Variants in MPP7 observed in about 807,000 individuals in gnomAD.
The protein encoded by MPP7 is MAGUK p55 subfamily member 7.
In MPP7, 60 loss-of-function variants were observed where a neutral mutation model predicts 76.5. The ratio of observed to expected loss-of-function variants is 0.78; its 90% confidence interval spans 0.64 to 0.97. MPP7 has a LOEUF of 0.97. Ranked by LOEUF, MPP7 falls within the 50% of genes least tolerant of loss-of-function variation. The pLI, the probability that MPP7 is intolerant of heterozygous loss-of-function variation, is 0.00. For synonymous variants in MPP7, 237 were observed against 244.5 expected (o/e 0.97, Z 0.29); for missense variants, 641 against 694.0 (o/e 0.92, Z 0.86).
chr10:28,119,365 T>G (rs536520875), intron 11 of MPP7, among the ~76,000 whole-genome samples: 2 of 152,272 alleles, frequency 1.3e-5, no homozygotes, highest in African/African-American at 4.8e-5. Context: ...TAGGTGACAT[T>G]TAATAAAATA....
chr10:28,095,531 C>T (rs1420177760), intron 11 of MPP7, among the ~76,000 whole-genome samples: 1 of 152,294 alleles, frequency 6.6e-6, no homozygotes, highest in African/African-American at 2.4e-5. Context: ...TGTGTCAGTA[C>T]ACCTTAGTTA....
chr10:28,118,752 C>T (rs1418199855), intron 11 of MPP7: 3 of 985,218 alleles, frequency 3.0e-6, no homozygotes, highest in Non-Finnish European at 3.6e-6. Flanking sequence ...GATTTATACT[C>T]GACTACAGTT....
chr10:28,206,666 C>T (rs10740785), intron 2 of MPP7, among the ~76,000 whole-genome samples: 26,659 of 151,970 alleles, frequency 0.18, 2,975 homozygotes, highest in East Asian at 0.56. Flanking sequence ...AGTTAAAATA[C>T]ATCATTTTCA....
intron 12 of MPP7, 125 bp downstream of exon 12, chr10:28,089,546 A>G: frequency 1.2e-6 from 1 of 815,596 alleles, no homozygotes; most frequent in Non-Finnish European, 1.9e-6. Flanking sequence ...TTTCAGAGAC[A>G]AGACAAAAGG....
At chr10:28,197,804 C>T (rs776439811) in intron 3 of MPP7, among the ~76,000 whole-genome samples, 1 of 152,100 alleles carries the variant, frequency 6.6e-6, no homozygotes, top group Non-Finnish European at 1.5e-5. Context: ...TAAATAGATG[C>T]TTGAGGTGAT....
At chr10:28,132,433 T>A (rs995055999) in intron 5 of MPP7, among the ~76,000 whole-genome samples, 3 of 152,164 alleles carry the variant, frequency 2.0e-5, no homozygotes, top group East Asian at 1.9e-4. Flanking sequence ...TTCTATTTTT[T>A]AAAAACTTTT....
At chr10:28,315,227 G>A (rs1209843182) in intron 2 of MPP7, among the ~76,000 whole-genome samples, 1 of 146,802 alleles carries the variant, frequency 6.8e-6, no homozygotes, top group Non-Finnish European at 1.5e-5. Context: ...AAGGAAGGGA[G>A]GGAGGGAGGA....
chr10:28,290,438 A>G (rs947349140), intron 1 of MPP7, among the ~76,000 whole-genome samples: 9 of 151,778 alleles, frequency 5.9e-5, no homozygotes, highest in Admixed American at 2.0e-4. Context: ...CCACCTCCCC[A>G]TCCCAGCTTA....
chr10:28,278,137 A>C (rs1840559446), intron 1 of MPP7, among the ~76,000 whole-genome samples: 1 of 152,060 alleles, frequency 6.6e-6, no homozygotes, highest in Non-Finnish European at 1.5e-5. Flanking sequence ...CACTGTTACC[A>C]AAAAAAGAAA....
chr10:28,216,329 T>A (rs1365615750), intron 2 of MPP7, among the ~76,000 whole-genome samples: 3 of 152,106 alleles, frequency 2.0e-5, no homozygotes, highest in Admixed American at 2.0e-4. Flanking sequence ...AAATTAAAAT[T>A]TAAAAACAAC....
At chr10:28,314,814 A>C (rs1248043789) in intron 2 of MPP7, among the ~76,000 whole-genome samples, 1 of 152,214 alleles carries the variant, frequency 6.6e-6, no homozygotes, top group African/African-American at 2.4e-5. Flanking sequence ...TTTCAAAATC[A>C]GGAGATTTCT....
At chr10:28,090,947 G>C (rs1267469016) in intron 11 of MPP7, among the ~76,000 whole-genome samples, 3 of 152,110 alleles carry the variant, frequency 2.0e-5, no homozygotes, top group African/African-American at 4.8e-5. Context: ...AGGAGTTTAA[G>C]ACCAGGTGGG....
intron 7 of MPP7, 75 bp downstream of exon 7, chr10:28,124,935 T>A: frequency 1.7e-6 from 2 of 1,206,438 alleles, no homozygotes; most frequent in East Asian, 4.7e-5. Context: ...ATGGTTATCC[T>A]CTTAGTTATC....
At chr10:28,320,832 G>GTTT (rs5784052) in intron 2 of MPP7, among the ~76,000 whole-genome samples, 1,626 of 148,684 alleles carry the variant, frequency 0.011, 23 homozygotes, top group African/African-American at 0.037. Context: ...TTTTTTGTTT[G>GTTT]TTTTTTTTTT....
intron 1 of MPP7, among the ~76,000 whole-genome samples, chr10:28,258,901 T>C (rs1436396727): frequency 6.6e-6 from 1 of 152,084 alleles, no homozygotes; most frequent in Non-Finnish European, 1.5e-5. Flanking sequence ...GAAATCCCTA[T>C]TTCTGTGAAA....
chr10:28,145,693 A>G (rs1835680556), intron 5 of MPP7, among the ~76,000 whole-genome samples: 1 of 152,234 alleles, frequency 6.6e-6, no homozygotes, highest in Non-Finnish European at 1.5e-5. Flanking sequence ...AACATCATGT[A>G]TCCTGGAATA....
At position 28,192,820 on chromosome 10, in the gene MPP7, A is replaced by T. The variant is rs374386812; in HGVS notation, c.156+9333T>A. On this transcript the variant is annotated intron_variant, in intron 3 of 16. Transcript: ENST00000683449. ...AAAGATTCAGAATAGTCAACACAGT[A>T]TCAAAGAAGAACAAAGTCTGAGGGC... Among the ~76,000 whole-genome samples the T allele has an allele frequency of 5.9e-5, 9 of 152,242 alleles. No homozygotes were observed. In the East Asian group the frequency reaches 7.7e-4, roughly 13 times the overall value.
intron 2 of MPP7, among the ~76,000 whole-genome samples, chr10:28,212,122 A>T (rs530228062): frequency 2.6e-5 from 4 of 152,266 alleles, no homozygotes; most frequent in East Asian, 1.9e-4. Flanking sequence ...CGTAAAAAAA[A>T]AAAAATAAAT....
chr10:28,214,367 G>C lies in MPP7; in HGVS notation c.38-12096C>G, dbSNP rs929172498. Among the ~76,000 whole-genome samples, 8 of 152,160 alleles carry C rather than the reference G, an allele frequency of 5.3e-5. 1 individual carries two copies. The South Asian group carries it at 1.7e-3, about 32-fold the overall frequency. ...TTCTTCAGGATCCCTGAAACTACCT[G>C]AAAGATGAAAGAAGCATGGTAACAT... is the stretch of plus-strand genomic sequence containing the variant. On this transcript the variant is annotated intron_variant, in intron 2 of 16. Coordinates refer to ENST00000683449, the MANE Select transcript of MPP7 (RefSeq NM_001318170.2).
Sources: gnomAD v4.1 joint callset for allele counts (sites outside exome capture counted in the v4.1 genomes callset) on GRCh38, gnomAD v4.1.1 for gene constraint, MANE v1.5 for transcripts, NCBI Gene and HGNC (gene_info 2026-07-23, HGNC 2026-07-21) for gene names.